Variants in SEMA3A observed in about 807,000 individuals in gnomAD.
SEMA3A encodes semaphorin-3A.
A neutral mutation model predicts 97.9 loss-of-function variants in SEMA3A; 29 were observed. The observed-to-expected ratio is 0.30, with a 90% CI of 0.22 to 0.40. The LOEUF (loss-of-function observed/expected upper bound fraction) is 0.40, where lower values mean the gene tolerates loss of function less well. SEMA3A is among the 10% of genes least tolerant of loss of function. The pLI is 1.00. For synonymous variants in SEMA3A, 321 were observed against 323.7 expected (o/e 0.99, Z 0.09); for missense variants, 763 against 951.3 (o/e 0.80, Z 2.60).
intron 1 of SEMA3A, among the ~76,000 whole-genome samples, chr7:84,154,575 G>A (rs1285308138): frequency 6.6e-6 from 1 of 151,308 alleles, no homozygotes. Context: ...ACTCAGGAGG[G>A]TGAGGCAGAA....
chr7:84,265,288 C>T (rs758917849), intron 3 of SEMA3A, among the ~76,000 whole-genome samples: 1 of 151,870 alleles, frequency 6.6e-6, no homozygotes, highest in Non-Finnish European at 1.5e-5. Flanking sequence ...GGCATGATCT[C>T]TGCACCCAAT....
At chr7:84,359,987 C>T (rs1802671588) in intron 2 of SEMA3A, among the ~76,000 whole-genome samples, 1 of 147,752 alleles carries the variant, frequency 6.8e-6, no homozygotes. Context: ...CGGTGATATC[C>T]CCTTTATCAT....
intron 3 of SEMA3A, among the ~76,000 whole-genome samples, chr7:84,207,624 G>T (rs568008484): frequency 1.3e-5 from 2 of 152,280 alleles, no homozygotes; most frequent in East Asian, 1.9e-4. Flanking sequence ...TTAAATAATA[G>T]AATTTCATTA....
At chr7:84,056,927 T>C (rs779403533) in intron 5 of SEMA3A, among the ~76,000 whole-genome samples, 1 of 152,190 alleles carries the variant, frequency 6.6e-6, no homozygotes, top group Non-Finnish European at 1.5e-5. Flanking sequence ...CCGAAAATAA[T>C]AGTATGCTAT....
intron 12 of SEMA3A, among the ~76,000 whole-genome samples, chr7:83,994,332 C>T (rs1436609407): frequency 1.7e-5 from 2 of 117,710 alleles, no homozygotes; most frequent in Admixed American, 9.5e-5. Context: ...AGTCATTCTC[C>T]ATCCAGCTTT....
intron 3 of SEMA3A, among the ~76,000 whole-genome samples, chr7:84,300,480 T>C (rs1052636259): frequency 6.6e-6 from 1 of 152,110 alleles, no homozygotes. Flanking sequence ...AGGGGCTACA[T>C]GTTACACAGA....
chr7:84,351,030 TAGGGAA>T (rs1802424576), intron 2 of SEMA3A, among the ~76,000 whole-genome samples: 1 of 150,994 alleles, frequency 6.6e-6, no homozygotes, highest in Non-Finnish European at 1.5e-5. Context: ...TATATAAACT[TAGGGAA>T]ACACACATGC....
At chr7:84,437,145 G>A (rs117841433) in intron 1 of SEMA3A, among the ~76,000 whole-genome samples, 4,004 of 152,114 alleles carry the variant, frequency 0.026, 57 homozygotes, top group Non-Finnish European at 0.042. Context: ...GATTGTTGAG[G>A]TGATTCTTAA....
At chr7:84,060,593 C>A in intron 4 of SEMA3A, 35 bp from the exon 5 acceptor site, 1 of 1,395,804 alleles carries the variant, frequency 7.2e-7, no homozygotes, top group Non-Finnish European at 9.7e-7. Flanking sequence ...AAAGGGTTTC[C>A]TTTATATATA....
intron 3 of SEMA3A, among the ~76,000 whole-genome samples, chr7:84,122,100 G>A (rs180847327): frequency 2.5e-3 from 386 of 151,752 alleles, no homozygotes; most frequent in African/African-American, 9.0e-3. Context: ...TCGCCACACT[G>A]ACTTCCACAA....
At chr7:84,106,309 A>G (rs535113601) in intron 4 of SEMA3A, among the ~76,000 whole-genome samples, 1 of 152,172 alleles carries the variant, frequency 6.6e-6, no homozygotes, top group African/African-American at 2.4e-5. Context: ...TAGATGAACA[A>G]ATACTTATTA....
At chr7:84,356,859 T>A (rs557460721) in intron 2 of SEMA3A, among the ~76,000 whole-genome samples, 7 of 151,968 alleles carry the variant, frequency 4.6e-5, no homozygotes, top group African/African-American at 1.2e-4. Context: ...TTAAAAATGA[T>A]AAAATAATTT....
chr7:84,242,804 G>A (rs537030436), intron 3 of SEMA3A, among the ~76,000 whole-genome samples: 3 of 152,232 alleles, frequency 2.0e-5, no homozygotes, highest in African/African-American at 4.8e-5. Context: ...TTTGAGATAT[G>A]TTCTATCAAT....
rs527594273 is a variant in SEMA3A, at chr7:84,128,073, T to G, written c.333+1050A>C. Among the ~76,000 whole-genome samples, 47 of 152,264 alleles carry G rather than the reference T, an allele frequency of 3.1e-4. No homozygotes were observed. The South Asian group carries it at 9.7e-3, about 32-fold the overall frequency. ...AATACTGGGCTATTCCTCAAACCAGTCACCCACTTAATTTTCCTGACAGTT... is the reference window on the plus strand; with the variant it reads ...AATACTGGGCTATTCCTCAAACCAGGCACCCACTTAATTTTCCTGACAGTT... On this transcript the variant is annotated intron_variant, in intron 3 of 16. Coordinates refer to ENST00000265362, the MANE Select transcript of SEMA3A (RefSeq NM_006080.3).
rs569859569 is a variant in SEMA3A at position 84,304,454 on chromosome 7, A to G, written c.-83+2753T>C. Among the ~76,000 whole-genome samples, 21 of 152,228 alleles carry G rather than the reference A, an allele frequency of 1.4e-4. No individual in the cohort carries two copies. The East Asian group carries it at 4.0e-3, about 29-fold the overall frequency. ...AGCTTACAATCTTGAAAAGAAAAAT[A>G]AGACTTTACTCAATCATTAAAAAAG... On this transcript the variant is annotated intron_variant, in intron 3 of 3. Transcript: ENST00000424555.
At position 84,445,919 on chromosome 7, in the gene SEMA3A, A is replaced by T. The variant is rs182640121; in HGVS notation, c.-246+46541T>A. Among the ~76,000 whole-genome samples the T allele has an allele frequency of 9.2e-5, 14 of 152,198 alleles. No homozygotes were observed. The East Asian group carries it at 2.3e-3, about 25-fold the overall frequency. On this transcript the variant is annotated intron_variant, in intron 1 of 3. Coordinates refer to the SEMA3A transcript ENST00000424555. ...AGAAAAGCAATAAAACCAAAAGTTT[A>T]CCCTCTTAAAATATCAACAAAATGG... is the stretch of plus-strand genomic sequence containing the variant.
At position 84,313,286 on chromosome 7, in the gene SEMA3A, G is replaced by A. The variant is rs563337818; in HGVS notation, c.-168-5994C>T. ...TTCCATTTTTCTCTCATGAGAGGCT[G>A]GGAAGATGTATATATATGTATTATA... On this transcript the variant is annotated intron_variant, in intron 2 of 3. Coordinates refer to the SEMA3A transcript ENST00000424555. Among the ~76,000 whole-genome samples the A allele has an allele frequency of 3.8e-3, 527 of 139,940 alleles. 5 individuals are homozygous for A. The highest frequency in any genetic ancestry group is 0.013 in the African/African-American group (498 of 37,784). 91.8% of individuals were successfully genotyped at this position (139,940 alleles called of 152,430 possible). A position where few individuals can be genotyped will look rare whatever the true frequency, so the allele number is the denominator to read the frequency against.
chr7:84,060,558 C>T lies in SEMA3A; in HGVS notation c.454G>A (p.Asp152Asn). The T allele has an allele frequency of 1.9e-6, 3 of 1,553,034 alleles. No individual in the cohort carries two copies. The highest frequency in any genetic ancestry group is 2.6e-6 in the Non-Finnish European group (3 of 1,155,720). Residue 152 changes from aspartate to asparagine, a missense_variant and splice_region_variant, in exon 5 of 17, where the codon GAC becomes AAC. Coordinates refer to ENST00000265362, the MANE Select transcript of SEMA3A (RefSeq NM_006080.3). ...GAGTTCTCCAGCTTAAAAATATTGT[C>T]CTGTGGATTTAAAAAAGAAAGAGAA... is the stretch of plus-strand genomic sequence containing the variant. ...TYIEIGHHPE[D>N]NIFKLENSHF... is the part of the protein sequence containing the mutation.
chr7:84,317,622 G>C (rs908502737), intron 2 of SEMA3A, among the ~76,000 whole-genome samples: 1 of 151,668 alleles, frequency 6.6e-6, no homozygotes, highest in African/African-American at 2.4e-5. Flanking sequence ...ATTTTTCCAG[G>C]CATCTGCTTT....
Sources: allele counts gnomAD v4.1 joint callset (sites outside exome capture counted in the v4.1 genomes callset), GRCh38; gene constraint gnomAD v4.1.1; transcripts MANE v1.5; gene names NCBI Gene and HGNC (gene_info 2026-07-23, HGNC 2026-07-21).